The following OTOGL variants were observed in gnomAD, a reference collection of about 807,000 sequenced individuals.
OTOGL encodes otogelin like.
Under a neutral mutation model 318.5 loss-of-function variants are expected in OTOGL, and 285 were observed. The observed-to-expected ratio is 0.89, with a 90% confidence interval of 0.81 to 0.99. OTOGL has a LOEUF of 0.99. OTOGL is among the 50% of genes least tolerant of loss of function. The probability of loss-of-function intolerance (pLI) is 0.00; values close to 1 mark genes in which losing one functional copy is unlikely to be tolerated. For synonymous variants in OTOGL, 987 were observed against 936.5 expected, an observed-to-expected ratio of 1.05 and a Z score of -0.99; for missense variants, 2,899 against 2,845.6, an observed-to-expected ratio of 1.02 and a Z score of -0.43.
chr12:80,220,162 A>C (rs1271149803), intron 6 of OTOGL, among the ~76,000 whole-genome samples: 2 of 151,176 alleles, frequency 1.3e-5, no homozygotes, highest in African/African-American at 4.9e-5. Flanking sequence ...GCCTATTATT[A>C]TTATTATTAT....
chr12:80,136,493 G>A (rs10778713), intron 1 of OTOGL, among the ~76,000 whole-genome samples: 81,889 of 151,878 alleles, frequency 0.54, 22,247 homozygotes, highest in Middle Eastern at 0.58. Context: ...TTTTGACTTC[G>A]TGAAGTACAC....
intron 1 of OTOGL, among the ~76,000 whole-genome samples, chr12:80,151,771 A>G (rs558598867): frequency 1.2e-4 from 19 of 152,294 alleles, no homozygotes; most frequent in South Asian, 1.2e-3. Flanking sequence ...TCACTAATAG[A>G]CTAGTCAACT....
At chr12:80,153,538 C>T (rs1276045053) in intron 1 of OTOGL, among the ~76,000 whole-genome samples, 1 of 152,152 alleles carries the variant, frequency 6.6e-6, no homozygotes, top group Admixed American at 6.5e-5. Context: ...ACTGATGAAC[C>T]TACATTGACA....
chr12:80,230,930 ATTGT>A (rs1592579053), intron 8 of OTOGL, among the ~76,000 whole-genome samples: 1 of 152,142 alleles, frequency 6.6e-6, no homozygotes, highest in Admixed American at 6.5e-5. Flanking sequence ...CCTATTGAAT[ATTGT>A]CTAGTTTAAA....
At chr12:80,319,128 G>C (rs1887163859) in intron 33 of OTOGL, among the ~76,000 whole-genome samples, 2 of 152,156 alleles carry the variant, frequency 1.3e-5, no homozygotes, top group South Asian at 4.1e-4. Context: ...TCAGAGTGTA[G>C]ACAGTCATTG....
intron 19 of OTOGL, among the ~76,000 whole-genome samples, chr12:80,263,816 T>A (rs1882738838): frequency 6.6e-6 from 1 of 152,088 alleles, no homozygotes. Flanking sequence ...CTTCTTTAGT[T>A]ATCCTTAACT....
intron 1 of OTOGL, among the ~76,000 whole-genome samples, chr12:80,127,695 G>A (rs1254318559): frequency 1.3e-5 from 2 of 152,058 alleles, no homozygotes; most frequent in African/African-American, 2.4e-5. Flanking sequence ...TGTAGATTTG[G>A]TCTTTTCACA....
intron 27 of OTOGL, among the ~76,000 whole-genome samples, chr12:80,298,448 AC>A (rs1885555891): frequency 1.3e-5 from 2 of 152,280 alleles, no homozygotes; most frequent in Admixed American, 6.5e-5. Flanking sequence ...AGATTTTAGA[AC>A]CTACTTCTTT....
chr12:80,114,819 AT>A (rs1018665628), intron 1 of OTOGL, among the ~76,000 whole-genome samples: 1 of 149,952 alleles, frequency 6.7e-6, no homozygotes, highest in Non-Finnish European at 1.5e-5. Flanking sequence ...GTTCCTTTTC[AT>A]TTTTTTTTCT....
In OTOGL at chr12:80,380,168, G is replaced by T. The variant is rs1379978929; in HGVS notation, c.*2120G>T. ...GAGATTTAAATGTTAAAAAACAAAA[G>T]AAGATAGGAGTTACAAAAGAAAATA... On this transcript the variant is annotated 3_prime_UTR_variant, in exon 59 of 59. Transcript: ENST00000547103. 6.6e-6 allele frequency: 1 copy of T among 151,918 alleles called. No homozygotes were observed. The highest frequency in any genetic ancestry group is 2.4e-5 in the African/African-American group (1 of 41,400). The allele number at this position is 151,918 out of a possible 1,614,324, so 9.4% of individuals were successfully genotyped here.
intron 1 of OTOGL, among the ~76,000 whole-genome samples, chr12:80,197,510 G>A (rs1047380980): frequency 2.6e-5 from 4 of 152,192 alleles, no homozygotes; most frequent in Admixed American, 1.3e-4. Flanking sequence ...TGCCTGGCCA[G>A]AATAAATCTT....
chr12:80,200,143 A>G (rs1297484220), intron 1 of OTOGL, among the ~76,000 whole-genome samples: 2 of 152,240 alleles, frequency 1.3e-5, no homozygotes, highest in Non-Finnish European at 2.9e-5. Context: ...AGATGCATAA[A>G]TCAAGATCCC....
At chr12:80,170,401 A>G (rs11830708) in intron 1 of OTOGL, among the ~76,000 whole-genome samples, 1 of 151,170 alleles carries the variant, frequency 6.6e-6, no homozygotes, top group Non-Finnish European at 1.5e-5. Flanking sequence ...GTGTCTTGAT[A>G]TTTTCTACTC....
intron 13 of OTOGL, 115 bp downstream of exon 13, chr12:80,252,316 T>C (rs1459007794): frequency 2.6e-6 from 3 of 1,176,250 alleles, no homozygotes; most frequent in South Asian, 5.6e-5. Context: ...TATTGCAATT[T>C]TCTGTTCTTG....
chr12:80,319,260 T>C (rs545778094), intron 33 of OTOGL, among the ~76,000 whole-genome samples: 77 of 152,276 alleles, frequency 5.1e-4, no homozygotes, highest in African/African-American at 1.8e-3. Flanking sequence ...GTACTGGTTG[T>C]ATCCACCTGG....
At chr12:80,362,317 C>G (rs916546993) in intron 52 of OTOGL, among the ~76,000 whole-genome samples, 1 of 152,142 alleles carries the variant, frequency 6.6e-6, no homozygotes, top group African/African-American at 2.4e-5. Context: ...TCTGGATTCT[C>G]TATTCTGTTT....
intron 24 of OTOGL, among the ~76,000 whole-genome samples, chr12:80,273,253 A>G (rs1883545174): frequency 6.6e-6 from 1 of 152,060 alleles, no homozygotes; most frequent in African/African-American, 2.4e-5. Flanking sequence ...CTTCTCCTAC[A>G]ATATTGTTTA....
chr12:80,222,539 G>A (rs1878451404), intron 7 of OTOGL, among the ~76,000 whole-genome samples: 1 of 152,288 alleles, frequency 6.6e-6, no homozygotes, highest in Middle Eastern at 3.4e-3. Flanking sequence ...GCTATCGGAT[G>A]TGAAGACTGA....
intron 1 of OTOGL, chr12:80,103,369 T>G: frequency 9.5e-7 from 1 of 1,057,552 alleles, no homozygotes; most frequent in Non-Finnish European, 1.5e-6. Flanking sequence ...GATCTTCTTT[T>G]CTTTTCTTGC....
Sources: allele counts gnomAD v4.1 joint callset (sites outside exome capture counted in the v4.1 genomes callset), GRCh38; gene constraint gnomAD v4.1.1; transcripts MANE v1.5; gene names NCBI Gene and HGNC (gene_info 2026-07-23, HGNC 2026-07-21).